Variants in CEP192 observed in about 807,000 individuals in gnomAD.
The protein encoded by CEP192 is centrosomal protein 192, also known as centrosomal protein of 192 kDa.
A neutral mutation model predicts 271.8 loss-of-function variants in CEP192; 151 were observed. The ratio of observed to expected loss-of-function variants is 0.56; its 90% CI spans 0.49 to 0.64. The LOEUF (loss-of-function observed/expected upper bound fraction) is 0.64. CEP192 is among the 30% of genes least tolerant of loss of function. CEP192 has a pLI of 0.00. For synonymous variants in CEP192, 995 were observed against 1,076.5 expected (o/e 0.92, Z 1.48); for missense variants, 2,910 against 3,020.5 (o/e 0.96, Z 0.86).
chr18:13,035,503 C>A (rs1176097926), intron 11 of CEP192, among the ~76,000 whole-genome samples: 1 of 152,184 alleles, frequency 6.6e-6, no homozygotes, highest in East Asian at 1.9e-4. Flanking sequence ...ATGAGAATAG[C>A]ATGGGAAAGA....
intron 44 of CEP192, among the ~76,000 whole-genome samples, chr18:13,118,978 A>G (rs1007705503): frequency 1.3e-5 from 2 of 152,186 alleles, no homozygotes; most frequent in South Asian, 2.1e-4. Flanking sequence ...GCCAAATCCA[A>G]GTTTTCCAAC....
At chr18:13,092,813 A>G (rs1251538020) in intron 34 of CEP192, among the ~76,000 whole-genome samples, 3 of 152,106 alleles carry the variant, frequency 2.0e-5, no homozygotes, top group African/African-American at 7.2e-5. Context: ...GGACCACGTA[A>G]GAGTAAGTTT....
Position 13,018,468 on chromosome 18 carries a change from T to C in CEP192, c.790-12T>C, listed in dbSNP as rs1164596940. ...TTAAAAGATTAATACAGCTAAGATATTCTTTCAACAGGCAAATGAAAACGG... is the reference window on the plus strand; with the variant it reads ...TTAAAAGATTAATACAGCTAAGATACTCTTTCAACAGGCAAATGAAAACGG... On this transcript the variant is annotated splice_polypyrimidine_tract_variant and intron_variant, in intron 7 of 44. Coordinates refer to ENST00000506447, the MANE Select transcript of CEP192 (RefSeq NM_032142.4). 6.7e-7 allele frequency: 1 copy of C among 1,490,074 alleles called. No homozygotes were observed. Among genetic ancestry groups the C allele is most frequent in the Non-Finnish European group, 9.0e-7 (1 of 1,107,108 alleles). The allele number at this position is 1,490,074 out of a possible 1,614,324, so 92.3% of individuals were successfully genotyped here. A position where few individuals can be genotyped will look rare whatever the true frequency, so the allele number is the denominator to read the frequency against.
At chr18:13,034,277 A>G (rs959311083) in intron 11 of CEP192, among the ~76,000 whole-genome samples, 1 of 152,146 alleles carries the variant, frequency 6.6e-6, no homozygotes, top group African/African-American at 2.4e-5. Context: ...AGGTTGGTGG[A>G]CAGAAAACCT....
At chr18:13,080,868 AG>A (rs2038566321) in intron 30 of CEP192, among the ~76,000 whole-genome samples, 1 of 152,174 alleles carries the variant, frequency 6.6e-6, no homozygotes, top group Non-Finnish European at 1.5e-5. Context: ...ATTTTGTCAA[AG>A]GCCTTTTCTG....
intron 4 of CEP192, among the ~76,000 whole-genome samples, chr18:13,011,238 AAAG>A (rs2034337734): frequency 6.6e-6 from 1 of 151,860 alleles, no homozygotes; most frequent in Non-Finnish European, 1.5e-5. Flanking sequence ...AAAAAAAAAA[AAAG>A]AAACAATAAA....
Position 13,037,264 on chromosome 18 carries a change from A to T in CEP192, c.1562A>T (p.Asp521Val). The change falls in exon 12 of 45, where the codon GAT becomes GTT. Residue 521 changes from aspartate (D) to valine (V), a missense_variant. Physicochemically the swap from Asp to Val is radical, Grantham distance 152 (BLOSUM62 -3). Coordinates refer to ENST00000506447, the MANE Select transcript of CEP192 (RefSeq NM_032142.4). ...GAAGCATTTGATTTGATTGCACAAG[A>T]TGAAGAAGAATTTAATAAAGAGCAT... Reference protein sequence around the residue: ...GSEAFDLIAQDEEEFNKEHQF... With the variant: ...GSEAFDLIAQVEEEFNKEHQF... The T allele has an allele frequency of 7.4e-7, 1 of 1,349,220 alleles. No individual in the cohort carries two copies. The highest frequency in any genetic ancestry group is 1.3e-5 in the South Asian group (1 of 78,680). 83.6% of individuals were successfully genotyped at this position (1,349,220 alleles called of 1,614,324 possible).
At chr18:13,018,135 A>G (rs993782115) in intron 7 of CEP192, among the ~76,000 whole-genome samples, 5 of 152,206 alleles carry the variant, frequency 3.3e-5, no homozygotes, top group Admixed American at 3.3e-4. Context: ...GGAGACGTTT[A>G]TCTCTCCCAC....
At chr18:13,104,414 G>T (rs2039857574) in intron 39 of CEP192, among the ~76,000 whole-genome samples, 1 of 152,102 alleles carries the variant, frequency 6.6e-6, no homozygotes, top group Admixed American at 6.5e-5. Flanking sequence ...CATGTATTTT[G>T]TGTGATAGTA....
In CEP192 at chr18:13,071,082, G is replaced by A. The variant is rs2037986437; in HGVS notation, c.5218G>A (p.Val1740Ile). ...GCAGCCATTTGGACCTCAGTATGAG[G>A]TAGTGTTAAAAGGCGAAGTCATTTC... ...FVQPFGPQYEVVLKGEVISSG... is the reference protein window; with the variant it reads ...FVQPFGPQYEIVLKGEVISSG... Residue 1740 changes from valine to isoleucine, a missense_variant, in exon 28 of 45, where the codon GTA becomes ATA. By Grantham distance (29) the Val-to-Ile change is conservative (BLOSUM62 3). Coordinates refer to ENST00000506447, the MANE Select transcript of CEP192 (RefSeq NM_032142.4). 1 of 1,614,064 alleles carries A rather than the reference G, an allele frequency of 6.2e-7. No individual in the cohort carries two copies. Among genetic ancestry groups the A allele is most frequent in the South Asian group, 1.1e-5 (1 of 91,070 alleles).
At chr18:13,007,940 T>C (rs966887102) in intron 3 of CEP192, among the ~76,000 whole-genome samples, 9 of 152,194 alleles carry the variant, frequency 5.9e-5, no homozygotes, top group Non-Finnish European at 1.2e-4. Flanking sequence ...CCAAGAGCTT[T>C]TGGAGTAGGG....
chr18:13,009,161 A>T (rs771814535), intron 4 of CEP192, among the ~76,000 whole-genome samples: 19 of 151,948 alleles, frequency 1.3e-4, no homozygotes, highest in Non-Finnish European at 2.5e-4. Context: ...CCTGGCTTCG[A>T]TGTATTCATC....
chr18:13,066,682 G>A (rs1292513693), intron 21 of CEP192, among the ~76,000 whole-genome samples: 1 of 152,122 alleles, frequency 6.6e-6, no homozygotes, highest in Non-Finnish European at 1.5e-5. Context: ...CAGGTTCCTT[G>A]TTGACTCCAT....
intron 4 of CEP192, among the ~76,000 whole-genome samples, chr18:13,010,527 A>G (rs981594141): frequency 1.2e-4 from 19 of 152,226 alleles, no homozygotes; most frequent in Admixed American, 1.0e-3. Flanking sequence ...AAAAACTTTT[A>G]TGCTTCAAAA....
rs777864273 is a variant in CEP192 at position 13,049,775 on chromosome 18, T to A, written c.2901T>A (p.Asn967Lys). Reference sequence around the variant, plus strand: ...ACCCCTTTCTGATAGATTTGAAAAATACCTCTCCTGAGCATGGTGGACGTG... The same window carrying A: ...ACCCCTTTCTGATAGATTTGAAAAAAACCTCTCCTGAGCATGGTGGACGTG... ...IVSPKNSDLK[N>K]TSPEHGGRGS... Residue 967 changes from asparagine to lysine, a missense_variant, in exon 17 of 45, where the codon AAT (asparagine) becomes AAA (lysine). By Grantham distance (94) the Asn-to-Lys change is moderately conservative (BLOSUM62 0). Coordinates refer to ENST00000506447, the MANE Select transcript of CEP192 (RefSeq NM_032142.4). 3 of 1,612,038 alleles carry A rather than the reference T, an allele frequency of 1.9e-6. No individual in the cohort carries two copies. The highest frequency in any genetic ancestry group is 1.1e-5 in the South Asian group (1 of 90,530).
At chr18:13,033,034 G>A (rs2035723778) in intron 11 of CEP192, among the ~76,000 whole-genome samples, 3 of 152,312 alleles carry the variant, frequency 2.0e-5, no homozygotes, top group South Asian at 2.1e-4. Flanking sequence ...AAGCAGGCTC[G>A]GGTGGTTTGG....
intron 3 of CEP192, among the ~76,000 whole-genome samples, chr18:13,003,462 A>G (rs1430091085): frequency 6.6e-6 from 1 of 151,414 alleles, no homozygotes; most frequent in Admixed American, 6.6e-5. Context: ...AAAAAAAAAA[A>G]AAAAAAAAAA....
chr18:13,092,537 A>G lies in CEP192; in HGVS notation c.6254+10A>G. On this transcript the variant is annotated intron_variant, in intron 34 of 44. Transcript: ENST00000506447. ...GCTTGGAATCTACAAGGTAAAATAA[A>G]TGAACAGAAATCTTTCACCAGATTT... is the stretch of plus-strand genomic sequence containing the variant. 1.9e-6 allele frequency: 3 copies of G among 1,577,682 alleles called. No homozygotes were observed. Among genetic ancestry groups the G allele is most frequent in the Non-Finnish European group, 2.6e-6 (3 of 1,163,988 alleles).
In CEP192 at chr18:13,015,501, A is replaced by G. The variant is rs1244235254; in HGVS notation, c.640+53A>G. Reference sequence around the variant, plus strand: ...GGTCTTCACCTTGCCACTCCACTTTATTCTTCTTTGTTGCAGTAGTTATGA... The same window carrying G: ...GGTCTTCACCTTGCCACTCCACTTTGTTCTTCTTTGTTGCAGTAGTTATGA... On this transcript the variant is annotated intron_variant, in intron 6 of 44. Transcript: ENST00000506447. 5 of 1,530,724 alleles carry G rather than the reference A, an allele frequency of 3.3e-6. No individual in the cohort carries two copies. The African/African-American group carries it at 4.2e-5, about 13-fold the overall frequency. The allele number at this position is 1,530,724 out of a possible 1,614,324, so 94.8% of individuals were successfully genotyped here.
Sources: allele counts gnomAD v4.1 joint callset (sites outside exome capture counted in the v4.1 genomes callset), GRCh38; gene constraint gnomAD v4.1.1; transcripts MANE v1.5; gene names NCBI Gene and HGNC (gene_info 2026-07-23, HGNC 2026-07-21).